Variants in LRRIQ3 observed in about 807,000 individuals in gnomAD.
LRRIQ3 encodes the protein leucine rich repeats and IQ motif containing 3.
LRRIQ3 carries 75 observed loss-of-function variants against 59.3 expected under a neutral mutation model. The ratio of observed to expected loss-of-function variants is 1.26; its 90% confidence interval spans 1.05 to 1.53. The LOEUF (loss-of-function observed/expected upper bound fraction) is 1.53. Ranked by LOEUF, LRRIQ3 falls within the 40% of genes most tolerant of loss-of-function variation. The probability of loss-of-function intolerance (pLI) is 0.00; values close to 1 mark genes in which losing one functional copy is unlikely to be tolerated. For synonymous variants in LRRIQ3, 250 were observed against 231.3 expected (o/e 1.08, Z -0.73); for missense variants, 831 against 710.0 (o/e 1.17, Z -1.94).
At chr1:74,084,871 A>C (rs1646310285) in intron 5 of LRRIQ3, among the ~76,000 whole-genome samples, 1 of 151,888 alleles carries the variant, frequency 6.6e-6, no homozygotes, top group South Asian at 2.1e-4. Flanking sequence ...CAGCCTATAG[A>C]ATTTCCAGAA....
intron 7 of LRRIQ3, among the ~76,000 whole-genome samples, chr1:74,035,103 C>G (rs75274216): frequency 0.016 from 2,410 of 152,102 alleles, 27 homozygotes; most frequent in Non-Finnish European, 0.022. Context: ...AACAATTTTA[C>G]AACTCTAAAT....
At chr1:74,182,472 A>G in intron 3 of LRRIQ3, 66 bp downstream of exon 3, 1 of 960,600 alleles carries the variant, frequency 1.0e-6, no homozygotes, top group Non-Finnish European at 1.4e-6. Context: ...TTAGATATAG[A>G]ACTCAGAAGC....
intron 7 of LRRIQ3, among the ~76,000 whole-genome samples, chr1:74,033,143 C>A (rs549318029): frequency 6.6e-6 from 1 of 152,060 alleles, no homozygotes; most frequent in East Asian, 1.9e-4. Context: ...ACTGTGGGAG[C>A]AGCTCAAGTT....
At position 74,026,929 on chromosome 1, in the gene LRRIQ3, CA is replaced by C; in HGVS notation, c.1758del (p.Phe586LeufsTer5). 1 of 1,588,470 alleles carries C rather than the reference CA, an allele frequency of 6.3e-7. No homozygotes were observed. The highest frequency in any genetic ancestry group is 8.6e-7 in the Non-Finnish European group (1 of 1,163,518). On this transcript the variant is annotated frameshift_variant, in exon 8 of 8. Coordinates refer to ENST00000354431, the MANE Select transcript of LRRIQ3 (RefSeq NM_001105659.2). LOFTEE classifies it low-confidence loss of function (END_TRUNC). The part of the protein sequence containing the change: ...EIYKRHCEEK[F>X]VMDMIAFEKA... ...TTTTCAAAGGCAATCATATCCATAA[CA>C]AATTTTTCTTCACAATGTCTTTTAT...
At chr1:74,077,738 A>T (rs1417278) in intron 5 of LRRIQ3, among the ~76,000 whole-genome samples, 5,092 of 152,046 alleles carry the variant, frequency 0.033, 305 homozygotes, top group African/African-American at 0.12. Flanking sequence ...AGAAAGATGA[A>T]CAAAAAGTTT....
intron 2 of LRRIQ3, 25 bp from the exon 3 acceptor site, chr1:74,182,886 A>T (rs770819196): frequency 3.9e-6 from 5 of 1,284,446 alleles, no homozygotes; most frequent in Non-Finnish European, 5.2e-6. Context: ...AAAATCTTTT[A>T]AATTCCAAAA....
chr1:74,134,307 G>A (rs1208413226), intron 4 of LRRIQ3, among the ~76,000 whole-genome samples: 1 of 152,006 alleles, frequency 6.6e-6, no homozygotes, highest in Non-Finnish European at 1.5e-5. Context: ...GGAGTTTGTA[G>A]CATTTTAGCC....
chr1:74,157,786 T>C (rs1648428377), intron 3 of LRRIQ3, among the ~76,000 whole-genome samples: 1 of 152,126 alleles, frequency 6.6e-6, no homozygotes, highest in African/African-American at 2.4e-5. Context: ...CCATGTTGCT[T>C]TTTAATCTCT....
At chr1:74,137,929 C>T (rs1647152094) in intron 4 of LRRIQ3, among the ~76,000 whole-genome samples, 1 of 151,366 alleles carries the variant, frequency 6.6e-6, no homozygotes, top group Non-Finnish European at 1.5e-5. Flanking sequence ...ACATCACACA[C>T]CGGGGCCTGT....
intron 7 of LRRIQ3, among the ~76,000 whole-genome samples, chr1:74,033,305 A>G (rs1207141468): frequency 6.6e-6 from 1 of 152,048 alleles, no homozygotes; most frequent in African/African-American, 2.4e-5. Context: ...GAAATGAAAG[A>G]ACTTTAGAGA....
At chr1:74,140,041 GC>G in intron 4 of LRRIQ3, among the ~76,000 whole-genome samples, 1 of 151,390 alleles carries the variant, frequency 6.6e-6, no homozygotes, top group East Asian at 2.0e-4. Flanking sequence ...GGAGAGAAAA[GC>G]AAAAAGCAAA....
At chr1:74,159,373 A>G (rs925094075) in intron 3 of LRRIQ3, among the ~76,000 whole-genome samples, 1 of 152,148 alleles carries the variant, frequency 6.6e-6, no homozygotes, top group African/African-American at 2.4e-5. Context: ...ACTAACTGAG[A>G]TATCTGGTCT....
intron 5 of LRRIQ3, among the ~76,000 whole-genome samples, chr1:74,078,151 G>T (rs1646230085): frequency 6.6e-6 from 1 of 151,836 alleles, no homozygotes; most frequent in South Asian, 2.1e-4. Flanking sequence ...GTATTCAGCA[G>T]TATGTTTGAT....
At chr1:74,045,225 G>A (rs184437569) in intron 6 of LRRIQ3, among the ~76,000 whole-genome samples, 35 of 151,976 alleles carry the variant, frequency 2.3e-4, no homozygotes, top group African/African-American at 7.0e-4. Context: ...AAATACTGGC[G>A]AACTGAATCC....
chr1:74,173,071 G>A (rs747435000), intron 3 of LRRIQ3, among the ~76,000 whole-genome samples: 5 of 152,046 alleles, frequency 3.3e-5, no homozygotes, highest in Admixed American at 2.6e-4. Flanking sequence ...GGAGGCCGAG[G>A]CAGGTGGACC....
At chr1:74,062,854 T>A (rs1311609342) in intron 6 of LRRIQ3, among the ~76,000 whole-genome samples, 5 of 151,464 alleles carry the variant, frequency 3.3e-5, no homozygotes, top group African/African-American at 1.2e-4. Flanking sequence ...GTGAGGAGGG[T>A]GAGGAGTGAA....
At chr1:74,127,576 A>G (rs1184334290) in intron 4 of LRRIQ3, among the ~76,000 whole-genome samples, 1 of 151,896 alleles carries the variant, frequency 6.6e-6, no homozygotes, top group African/African-American at 2.4e-5. Flanking sequence ...TGATTGTATA[A>G]ACAAAAAAAG....
chr1:74,125,528 CTA>C (rs1460179789), intron 4 of LRRIQ3, among the ~76,000 whole-genome samples: 2 of 151,738 alleles, frequency 1.3e-5, no homozygotes, highest in African/African-American at 4.8e-5. Context: ...TATGTTCATT[CTA>C]TATCTAGTTT....
chr1:74,030,322 A>G (rs1653662620), intron 7 of LRRIQ3, among the ~76,000 whole-genome samples: 1 of 152,166 alleles, frequency 6.6e-6, no homozygotes, highest in African/African-American at 2.4e-5. Context: ...AAGCCAAAAG[A>G]ACAAAGCTGG....
Sources: gnomAD v4.1 joint callset for allele counts (sites outside exome capture counted in the v4.1 genomes callset) on GRCh38, gnomAD v4.1.1 for gene constraint, MANE v1.5 for transcripts, NCBI Gene and HGNC (gene_info 2026-07-23, HGNC 2026-07-21) for gene names.